The following KCNQ5 variants were observed in gnomAD, a reference collection of about 807,000 sequenced individuals.
The protein encoded by KCNQ5 is potassium voltage-gated channel subfamily KQT member 5.
Under a neutral mutation model 98.2 loss-of-function variants are expected in KCNQ5, and 30 were observed. The ratio of observed to expected loss-of-function variants is 0.31; its 90% CI spans 0.23 to 0.41. KCNQ5 has a LOEUF of 0.41. Ranked by LOEUF, KCNQ5 falls within the 10% of genes least tolerant of loss-of-function variation. The probability of loss-of-function intolerance (pLI) is 1.00; values close to 1 mark genes in which losing one functional copy is unlikely to be tolerated. For missense variants in KCNQ5, 835 were observed against 1,182.5 expected (o/e 0.71, Z 4.31); for synonymous variants, 458 against 449.4 (o/e 1.02, Z -0.24).
chr6:72,691,004 T>C (rs1311325155), intron 1 of KCNQ5, among the ~76,000 whole-genome samples: 1 of 152,178 alleles, frequency 6.6e-6, no homozygotes, highest in African/African-American at 2.4e-5. Flanking sequence ...ATTAGCCTCT[T>C]AACCACTGTG....
At chr6:72,955,451 T>C (rs1227805595) in intron 1 of KCNQ5, among the ~76,000 whole-genome samples, 2 of 152,216 alleles carry the variant, frequency 1.3e-5, no homozygotes, top group East Asian at 3.8e-4. Context: ...TCTTTTGCCT[T>C]TTAAATCATT....
At chr6:72,776,186 C>A (rs6926416) in intron 1 of KCNQ5, among the ~76,000 whole-genome samples, 2 of 151,862 alleles carry the variant, frequency 1.3e-5, no homozygotes, top group African/African-American at 4.8e-5. Flanking sequence ...TGTGTTACAC[C>A]GCAACTGGGA....
At chr6:72,858,891 C>A (rs1188722268) in intron 1 of KCNQ5, among the ~76,000 whole-genome samples, 1 of 152,078 alleles carries the variant, frequency 6.6e-6, no homozygotes, top group Non-Finnish European at 1.5e-5. Flanking sequence ...TGTGTCAATG[C>A]TGGTTTCTTG....
intron 1 of KCNQ5, among the ~76,000 whole-genome samples, chr6:72,742,563 C>A (rs531173858): frequency 5.3e-5 from 8 of 152,252 alleles, no homozygotes; most frequent in African/African-American, 1.4e-4. Flanking sequence ...GGACTGATAT[C>A]TGGTTAACTG....
chr6:72,947,332 GTTA>G (rs1222914575), intron 1 of KCNQ5, among the ~76,000 whole-genome samples: 2 of 152,086 alleles, frequency 1.3e-5, no homozygotes, highest in African/African-American at 2.4e-5. Flanking sequence ...AGTATCTAAA[GTTA>G]TTATCATCAT....
intron 1 of KCNQ5, among the ~76,000 whole-genome samples, chr6:72,633,882 T>C (rs374466978): frequency 6.6e-6 from 1 of 152,134 alleles, no homozygotes; most frequent in East Asian, 1.9e-4. Context: ...ACAAAAATTA[T>C]CTCAAGATGG....
intron 2 of KCNQ5, among the ~76,000 whole-genome samples, chr6:73,036,024 TG>T (rs1771404542): frequency 2.0e-5 from 3 of 150,486 alleles, no homozygotes; most frequent in Non-Finnish European, 3.0e-5. Context: ...TGTGTGTGTG[TG>T]TGTGTATTGG....
At chr6:73,008,919 C>G (rs564262299) in intron 2 of KCNQ5, among the ~76,000 whole-genome samples, 29 of 152,218 alleles carry the variant, frequency 1.9e-4, no homozygotes, top group African/African-American at 6.3e-4. Flanking sequence ...TTTCCAACCA[C>G]AATGGGATGA....
intron 1 of KCNQ5, among the ~76,000 whole-genome samples, chr6:72,819,710 A>T (rs1326417133): frequency 6.6e-6 from 1 of 152,200 alleles, no homozygotes; most frequent in African/African-American, 2.4e-5. Flanking sequence ...CCGACAGGCT[A>T]GCATGAGCCA....
At chr6:72,878,078 C>G (rs1778490621) in intron 1 of KCNQ5, among the ~76,000 whole-genome samples, 1 of 152,158 alleles carries the variant, frequency 6.6e-6, no homozygotes, top group Non-Finnish European at 1.5e-5. Flanking sequence ...CCAGACCAGC[C>G]TGACCTACAT....
intron 3 of KCNQ5, among the ~76,000 whole-genome samples, chr6:73,061,441 T>C (rs1772776199): frequency 6.6e-6 from 1 of 152,204 alleles, no homozygotes; most frequent in African/African-American, 2.4e-5. Flanking sequence ...AGTTTAGATG[T>C]TGACTATTAT....
At chr6:73,135,461 A>AT (rs1776430271) in intron 10 of KCNQ5, 2 of 144,576 alleles carry the variant, frequency 1.4e-5, no homozygotes, top group African/African-American at 5.5e-5. Context: ...GGGGAAAAAA[A>AT]GAAAAAAAAA....
intron 1 of KCNQ5, among the ~76,000 whole-genome samples, chr6:72,771,414 A>G (rs552934854): frequency 1.3e-4 from 20 of 152,262 alleles, no homozygotes; most frequent in Middle Eastern, 3.4e-3. Flanking sequence ...TTAAAAGCCA[A>G]TAGTGTACAA....
intron 1 of KCNQ5, among the ~76,000 whole-genome samples, chr6:72,868,032 G>A (rs2150159135): frequency 6.6e-6 from 1 of 152,142 alleles, no homozygotes; most frequent in East Asian, 1.9e-4. Context: ...CCTGTTATTT[G>A]AGATTCCAAG....
intron 1 of KCNQ5, among the ~76,000 whole-genome samples, chr6:72,774,241 G>A (rs141737083): frequency 6.6e-6 from 1 of 152,166 alleles, no homozygotes; most frequent in African/African-American, 2.4e-5. Context: ...AATCTCTGTT[G>A]CAATTATTCA....
At chr6:72,792,684 A>G (rs1007127244) in intron 1 of KCNQ5, among the ~76,000 whole-genome samples, 2 of 152,212 alleles carry the variant, frequency 1.3e-5, no homozygotes, top group Non-Finnish European at 1.5e-5. Context: ...GCGTAGCTAC[A>G]GGGTTCCAAT....
At chr6:73,146,993 A>G (rs1424049987) in intron 10 of KCNQ5, among the ~76,000 whole-genome samples, 1 of 152,208 alleles carries the variant, frequency 6.6e-6, no homozygotes, top group Non-Finnish European at 1.5e-5. Context: ...TGCTATGACT[A>G]TAGTATGTTC....
chr6:73,064,788 A>G (rs1224999080), intron 3 of KCNQ5, among the ~76,000 whole-genome samples: 3 of 152,120 alleles, frequency 2.0e-5, no homozygotes, highest in Middle Eastern at 3.2e-3. Flanking sequence ...CATCTCTTCG[A>G]TTTATTGAAA....
At chr6:72,801,995 C>T (rs1038855204) in intron 1 of KCNQ5, among the ~76,000 whole-genome samples, 41 of 152,158 alleles carry the variant, frequency 2.7e-4, no homozygotes, top group South Asian at 2.3e-3. Flanking sequence ...CCGAGAGATC[C>T]GCTGTTAGTC....
Sources: gnomAD v4.1 joint callset for allele counts (sites outside exome capture counted in the v4.1 genomes callset) on GRCh38, gnomAD v4.1.1 for gene constraint, MANE v1.5 for transcripts, NCBI Gene and HGNC (gene_info 2026-07-23, HGNC 2026-07-21) for gene names.